The following CACNA2D3 variants were observed in gnomAD, a reference collection of about 807,000 sequenced individuals.
CACNA2D3 encodes calcium voltage-gated channel auxiliary subunit alpha2delta 3, also known as voltage-dependent calcium channel subunit alpha-2/delta-3.
In CACNA2D3, 60 loss-of-function variants were observed where a neutral mutation model predicts 160.6. The observed-to-expected ratio is 0.37, with a 90% CI of 0.30 to 0.46. CACNA2D3 has a LOEUF of 0.46. CACNA2D3 is among the 20% of genes least tolerant of loss of function. CACNA2D3 has a pLI of 1.00. For missense variants in CACNA2D3, 1,205 were observed against 1,365.0 expected, an observed-to-expected ratio of 0.88 and a Z score of 1.85; for synonymous variants, 558 against 492.9, an observed-to-expected ratio of 1.13 and a Z score of -1.75.
intron 27 of CACNA2D3, among the ~76,000 whole-genome samples, chr3:54,950,175 G>A (rs562439644): frequency 6.6e-6 from 1 of 152,346 alleles, no homozygotes; most frequent in African/African-American, 2.4e-5. Flanking sequence ...TTTCCATACA[G>A]CCGAGGTAGC....
At chr3:54,533,971 A>G (rs13089488) in intron 5 of CACNA2D3, among the ~76,000 whole-genome samples, 93,846 of 152,054 alleles carry the variant, frequency 0.62, 29,186 homozygotes, top group Non-Finnish European at 0.65. Context: ...AAATAAAAAC[A>G]TATTTATTAA....
At chr3:54,198,893 C>G (rs557917382) in intron 2 of CACNA2D3, among the ~76,000 whole-genome samples, 1 of 152,222 alleles carries the variant, frequency 6.6e-6, no homozygotes, top group Admixed American at 6.5e-5. Flanking sequence ...TGGCCGTGGC[C>G]GGGAGCTCCT....
intron 5 of CACNA2D3, among the ~76,000 whole-genome samples, chr3:54,553,318 C>A (rs1702189684): frequency 6.6e-6 from 1 of 152,216 alleles, no homozygotes; most frequent in Admixed American, 6.5e-5. Flanking sequence ...ATGTCATTTA[C>A]TTGCTGAAAT....
chr3:54,976,544 G>A (rs1375448543), intron 29 of CACNA2D3, among the ~76,000 whole-genome samples: 1 of 152,044 alleles, frequency 6.6e-6, no homozygotes, highest in African/African-American at 2.4e-5. Flanking sequence ...AAAATTCCCT[G>A]CTTGATGCTG....
At chr3:54,528,933 G>A (rs1237953599) in intron 5 of CACNA2D3, among the ~76,000 whole-genome samples, 2 of 152,226 alleles carry the variant, frequency 1.3e-5, no homozygotes, top group African/African-American at 2.4e-5. Flanking sequence ...GGCCATGCTG[G>A]TGGGAGGGAG....
intron 15 of CACNA2D3, 123 bp from the exon 16 acceptor site, chr3:54,838,445 A>T: frequency 1.3e-6 from 1 of 764,754 alleles, no homozygotes; most frequent in Non-Finnish European, 2.3e-6. Context: ...GATATGGGTT[A>T]ATCCTCAATC....
intron 35 of CACNA2D3, among the ~76,000 whole-genome samples, chr3:55,034,885 A>G (rs1703777960): frequency 6.6e-6 from 1 of 152,174 alleles, no homozygotes; most frequent in Non-Finnish European, 1.5e-5. Flanking sequence ...TCTTTCAAGT[A>G]TCAATTCCTA....
chr3:54,646,168 C>G (rs57600503), intron 11 of CACNA2D3, among the ~76,000 whole-genome samples: 1 of 23,994 alleles, frequency 4.2e-5, no homozygotes, highest in Non-Finnish European at 9.4e-5. Flanking sequence ...CCCTCCCTCC[C>G]TCCCTCCCTC....
chr3:54,523,074 T>C (rs928901875), intron 5 of CACNA2D3, among the ~76,000 whole-genome samples: 1 of 152,162 alleles, frequency 6.6e-6, no homozygotes, highest in African/African-American at 2.4e-5. Context: ...ATGGCCTTTA[T>C]TGTTTCTAGT....
At chr3:54,603,134 C>T (rs1703094630) in intron 9 of CACNA2D3, among the ~76,000 whole-genome samples, 1 of 152,192 alleles carries the variant, frequency 6.6e-6, no homozygotes, top group Admixed American at 6.5e-5. Flanking sequence ...ATTGGTGAGT[C>T]AGTTGCACTG....
chr3:54,201,992 A>G (rs1701188570), intron 2 of CACNA2D3, among the ~76,000 whole-genome samples: 1 of 152,240 alleles, frequency 6.6e-6, no homozygotes, highest in African/African-American at 2.4e-5. Flanking sequence ...TGGGGCACTC[A>G]GTTAAATTTG....
intron 2 of CACNA2D3, among the ~76,000 whole-genome samples, chr3:54,228,333 A>C (rs1263078422): frequency 2.6e-5 from 4 of 152,158 alleles, no homozygotes; most frequent in Admixed American, 6.5e-5. Context: ...CTAACCTCCG[A>C]GTGAGTTTTG....
chr3:54,782,183 A>G (rs112597204), intron 13 of CACNA2D3, among the ~76,000 whole-genome samples: 151 of 152,342 alleles, frequency 9.9e-4, no homozygotes, highest in African/African-American at 3.4e-3. Flanking sequence ...GTATATTCCT[A>G]ATGAGGTCAA....
At chr3:54,624,123 C>T (rs1021260701) in intron 9 of CACNA2D3, among the ~76,000 whole-genome samples, 26 of 152,244 alleles carry the variant, frequency 1.7e-4, no homozygotes, top group African/African-American at 5.5e-4. Flanking sequence ...GATAGTTTTT[C>T]TGTCTAACAT....
At chr3:54,897,827 A>G (rs144221258) in intron 26 of CACNA2D3, among the ~76,000 whole-genome samples, 8 of 152,282 alleles carry the variant, frequency 5.3e-5, no homozygotes, top group African/African-American at 7.2e-5. Context: ...TGCTCTTACA[A>G]TTGGTTGAAT....
At chr3:54,918,256 T>C in intron 27 of CACNA2D3, 1 of 561,816 alleles carries the variant, frequency 1.8e-6, no homozygotes, top group South Asian at 2.4e-5. Flanking sequence ...CATCTTTATT[T>C]TACCTATAGT....
intron 31 of CACNA2D3, among the ~76,000 whole-genome samples, chr3:55,002,721 C>T (rs1375122571): frequency 2.0e-5 from 3 of 152,190 alleles, no homozygotes; most frequent in African/African-American, 4.8e-5. Flanking sequence ...GGACTGGCTA[C>T]GTGACCACTG....
chr3:54,557,405 T>A (rs1397688437), intron 5 of CACNA2D3, among the ~76,000 whole-genome samples: 2 of 152,192 alleles, frequency 1.3e-5, no homozygotes, highest in Non-Finnish European at 2.9e-5. Context: ...CAATCTTAGA[T>A]TTCTAGGACC....
rs531932566 is a variant in CACNA2D3, at chr3:55,006,322, G to A, written c.2767-1468G>A. The stretch of plus-strand genomic sequence containing the variant: ...GAGTGCCTTCCCCTGGCCTCAGAGC[G>A]AGCTGCCCCTGCTTCTGGCCCTCTT... On this transcript the variant is annotated intron_variant, in intron 32 of 37. Coordinates refer to ENST00000474759, the MANE Select transcript of CACNA2D3 (RefSeq NM_018398.3). Among the ~76,000 whole-genome samples the A allele has an allele frequency of 9.1e-4, 139 of 152,158 alleles. 3 individuals are homozygous for A. In the South Asian group the frequency reaches 0.027, roughly 30 times the overall value.
Sources: allele counts gnomAD v4.1 joint callset (sites outside exome capture counted in the v4.1 genomes callset), GRCh38; gene constraint gnomAD v4.1.1; transcripts MANE v1.5; gene names NCBI Gene and HGNC (gene_info 2026-07-23, HGNC 2026-07-21).